PHF24: variants seen among roughly 807,000 people sequenced by gnomAD.
The protein encoded by PHF24 is Galpha inhibitory interacting protein.
In PHF24, 25 loss-of-function variants were observed where a neutral mutation model predicts 42.6. The observed-to-expected ratio is 0.59, with a 90% CI of 0.43 to 0.82. The LOEUF (loss-of-function observed/expected upper bound fraction) is 0.82, where lower values mean the gene tolerates loss of function less well. PHF24 is among the 40% of genes least tolerant of loss of function. PHF24 has a pLI of 0.00. For synonymous variants in PHF24, 185 were observed against 204.8 expected (o/e 0.90, Z 0.83); for missense variants, 470 against 538.1 (o/e 0.87, Z 1.25).
At chr9:34,932,984 C>CTT in the PHF24 span, among the ~76,000 whole-genome samples, 3 of 121,416 alleles carry the variant, frequency 2.5e-5, no homozygotes, top group Non-Finnish European at 3.4e-5. Context: ...AGCAGGAACT[C>CTT]TTTTTTTTTT....
At chr9:34,910,729 GTT>G in the PHF24 span, among the ~76,000 whole-genome samples, 1 of 151,984 alleles carries the variant, frequency 6.6e-6, no homozygotes. Flanking sequence ...AGACTAAGGG[GTT>G]TTGTCATGAT....
At chr9:34,696,910 A>G in the PHF24 span, among the ~76,000 whole-genome samples, 46 of 152,268 alleles carry the variant, frequency 3.0e-4, no homozygotes, top group African/African-American at 1.0e-3. Context: ...GCCCGTAGCA[A>G]GTTTAATCCT....
At chr9:34,742,796 C>T in the PHF24 span, among the ~76,000 whole-genome samples, 3 of 152,078 alleles carry the variant, frequency 2.0e-5, no homozygotes, top group Non-Finnish European at 4.4e-5. Flanking sequence ...TTGCATTAAA[C>T]ACTTGCATTT....
chr9:34,930,356 C>T, the PHF24 span, among the ~76,000 whole-genome samples: 1 of 152,164 alleles, frequency 6.6e-6, no homozygotes, highest in Admixed American at 6.5e-5. Context: ...AAATGGTTTA[C>T]CATCTCTTGT....
chr9:34,866,131 T>G, the PHF24 span, among the ~76,000 whole-genome samples: 1 of 152,218 alleles, frequency 6.6e-6, no homozygotes, highest in African/African-American at 2.4e-5. Flanking sequence ...GTCAGATTAT[T>G]TTTAATTCCT....
the PHF24 span, chr9:34,727,091 TG>T: frequency 6.8e-7 from 1 of 1,461,682 alleles, no homozygotes; most frequent in African/African-American, 1.4e-5. Context: ...CTGAAAACCC[TG>T]GGGCCTATAC....
the PHF24 span, chr9:34,838,492 A>G: frequency 7.4e-7 from 1 of 1,344,768 alleles, no homozygotes. Context: ...AGGGCTCAAC[A>G]TGGTCTAAAC....
At chr9:34,698,561 G>A in the PHF24 span, among the ~76,000 whole-genome samples, 1 of 152,086 alleles carries the variant, frequency 6.6e-6, no homozygotes, top group Non-Finnish European at 1.5e-5. Flanking sequence ...GCAATCGCGC[G>A]ATCTCGGCTC....
the PHF24 span, among the ~76,000 whole-genome samples, chr9:34,940,335 A>C: frequency 6.6e-6 from 1 of 152,078 alleles, no homozygotes; most frequent in Non-Finnish European, 1.5e-5. Flanking sequence ...TCCCACCCTG[A>C]ATCCTGTAAG....
At chr9:34,710,404 C>A in the PHF24 span, among the ~76,000 whole-genome samples, 2 of 152,040 alleles carry the variant, frequency 1.3e-5, no homozygotes, top group African/African-American at 2.4e-5. Flanking sequence ...CTCCTCACTA[C>A]GCTCCAGGAT....
chr9:34,695,444 G>A, the PHF24 span, among the ~76,000 whole-genome samples: 4 of 152,312 alleles, frequency 2.6e-5, no homozygotes, highest in South Asian at 8.3e-4. Context: ...GTAAGCATAA[G>A]TAAGTGTTTC....
the PHF24 span, among the ~76,000 whole-genome samples, chr9:34,839,076 G>A: frequency 6.6e-6 from 1 of 152,340 alleles, no homozygotes; most frequent in East Asian, 1.9e-4. Context: ...AGGCCAAGGT[G>A]GCCGTATCTA....
At chr9:34,875,950 A>ACTCTCTCTCTCTCTCTCTCTCTCTCTCT in the PHF24 span, among the ~76,000 whole-genome samples, 8 of 78,742 alleles carry the variant, frequency 1.0e-4, no homozygotes, top group South Asian at 5.6e-4. Flanking sequence ...ACACACACAC[A>ACTCTCTCTCTCTCTCTCTCTCTCTCTCT]CTCTCTCTCT....
the PHF24 span, chr9:34,726,568 C>T: frequency 1.3e-6 from 2 of 1,551,902 alleles, no homozygotes; most frequent in Non-Finnish European, 1.7e-6. Flanking sequence ...GCTTCTCAAT[C>T]CTTGAAGAAG....
chr9:34,951,123 T>C, the PHF24 span, among the ~76,000 whole-genome samples: 13 of 152,228 alleles, frequency 8.5e-5, no homozygotes, highest in Admixed American at 4.6e-4. Context: ...AATACACTTA[T>C]TATCTCACAC....
At chr9:34,693,864 C>G in the PHF24 span, among the ~76,000 whole-genome samples, 1 of 152,160 alleles carries the variant, frequency 6.6e-6, no homozygotes, top group Non-Finnish European at 1.5e-5. Flanking sequence ...GAAGGTCTCC[C>G]TTTAGCATTT....
chr9:34,928,678 T>C, the PHF24 span, among the ~76,000 whole-genome samples: 1 of 152,338 alleles, frequency 6.6e-6, no homozygotes, highest in East Asian at 1.9e-4. Context: ...GCACAGTGTC[T>C]GTATAAGGGA....
chr9:34,795,535 T>TA, the PHF24 span, among the ~76,000 whole-genome samples: 1 of 152,188 alleles, frequency 6.6e-6, no homozygotes, highest in East Asian at 1.9e-4. Context: ...AGAGAAATGG[T>TA]AAAATTCTAT....
the PHF24 span, among the ~76,000 whole-genome samples, chr9:34,791,534 T>G: frequency 2.6e-5 from 4 of 151,554 alleles, no homozygotes; most frequent in Admixed American, 2.0e-4. Context: ...ATAATAGTAT[T>G]GAAAGTCATG....
Sources: allele counts gnomAD v4.1 joint callset (sites outside exome capture counted in the v4.1 genomes callset), GRCh38; gene constraint gnomAD v4.1.1; transcripts MANE v1.5; gene names NCBI Gene and HGNC (gene_info 2026-07-23, HGNC 2026-07-21).